The following CCDC181 variants were observed in gnomAD, a reference collection of about 807,000 sequenced individuals.
The protein encoded by CCDC181 is coiled-coil domain containing 181, also known as coiled-coil domain-containing protein 181.
Under a neutral mutation model 58.7 loss-of-function variants are expected in CCDC181, and 35 were observed. The ratio of observed to expected loss-of-function variants is 0.60; its 90% CI spans 0.46 to 0.79. The LOEUF is 0.79. CCDC181 is among the 30% of genes least tolerant of loss of function. The pLI, the probability that CCDC181 is intolerant of heterozygous loss-of-function variation, is 0.00. For missense variants in CCDC181, 517 were observed against 583.9 expected, an observed-to-expected ratio of 0.89 and a Z score of 1.18; for synonymous variants, 183 against 197.5, an observed-to-expected ratio of 0.93 and a Z score of 0.62.
chr1:169,453,422 C>A (rs951115309), intron 2 of CCDC181, among the ~76,000 whole-genome samples: 1 of 152,048 alleles, frequency 6.6e-6, no homozygotes, highest in Non-Finnish European at 1.5e-5. Context: ...TTTATGTAAG[C>A]TGCTAGATTT....
intron 2 of CCDC181, among the ~76,000 whole-genome samples, chr1:169,436,935 TAGG>T (rs1657069602): frequency 6.6e-6 from 1 of 151,552 alleles, no homozygotes; most frequent in Admixed American, 6.6e-5. Context: ...AGGAATTAAT[TAGG>T]AGGAGAGTGA....
At chr1:169,442,224 T>C (rs2101748978) in intron 2 of CCDC181, among the ~76,000 whole-genome samples, 1 of 152,218 alleles carries the variant, frequency 6.6e-6, no homozygotes. Context: ...TCATGAAATT[T>C]TAAATCACTT....
At chr1:169,405,568 A>C (rs1265575496) in intron 4 of CCDC181, among the ~76,000 whole-genome samples, 4 of 152,238 alleles carry the variant, frequency 2.6e-5, no homozygotes, top group Non-Finnish European at 4.4e-5. Flanking sequence ...AGGATTCCCT[A>C]TTTAATAAAT....
intron 4 of CCDC181, among the ~76,000 whole-genome samples, chr1:169,405,349 G>C (rs1035827407): frequency 2.0e-5 from 3 of 152,134 alleles, no homozygotes; most frequent in Non-Finnish European, 2.9e-5. Flanking sequence ...ACATTGCCAA[G>C]ACAATCCTAA....
intron 2 of CCDC181, among the ~76,000 whole-genome samples, chr1:169,434,873 T>G (rs1657013275): frequency 6.6e-6 from 1 of 152,126 alleles, no homozygotes; most frequent in East Asian, 1.9e-4. Flanking sequence ...TCCACTTATA[T>G]AAAGTGCCCA....
In CCDC181 at chr1:169,414,448, A is replaced by G. The variant is rs1053256727; in HGVS notation, c.1215+4565T>C. On this transcript the variant is annotated intron_variant, in intron 4 of 5. Coordinates refer to ENST00000367806, the MANE Select transcript of CCDC181 (RefSeq NM_001300969.2). ...AATAAGCATGCAGAAGATCTTAACA[A>G]CACTATCAACCAACTAGACTATATT... is the stretch of plus-strand genomic sequence containing the variant. 9.2e-5 allele frequency among the ~76,000 whole-genome samples: 14 copies of G among 152,332 alleles called. 1 individual carries two copies. In the South Asian group the frequency reaches 2.7e-3, roughly 29 times the overall value.
At chr1:169,451,017 C>G (rs1319789383) in intron 2 of CCDC181, 1 of 152,110 alleles carries the variant, frequency 6.6e-6, no homozygotes, top group African/African-American at 2.4e-5. Context: ...CATAAGTATT[C>G]CTAATCCAAA....
At position 169,410,547 on chromosome 1, in the gene CCDC181, A is replaced by C. The variant is rs532019024; in HGVS notation, c.1215+8466T>G. ...CAGCTCTGGACCAAGCGGACCTAATAGACATCTATAGAACTCTCCACCTTA... is the reference window on the plus strand; with the variant it reads ...CAGCTCTGGACCAAGCGGACCTAATCGACATCTATAGAACTCTCCACCTTA... On this transcript the variant is annotated intron_variant, in intron 4 of 5. Transcript: ENST00000367806. 2.0e-5 allele frequency among the ~76,000 whole-genome samples: 3 copies of C among 152,354 alleles called. No individual in the cohort carries two copies. In the South Asian group the frequency reaches 6.2e-4, roughly 32 times the overall value.
At chr1:169,454,631 G>A (rs1657636191) in intron 2 of CCDC181, 1 of 151,924 alleles carries the variant, frequency 6.6e-6, no homozygotes, top group South Asian at 2.1e-4. Context: ...AAATTCACAG[G>A]ACGTTCACAC....
In CCDC181 at chr1:169,421,889, T is replaced by G. The variant is rs765535455; in HGVS notation, c.542A>C (p.Asn181Thr). ...TAATTGTGACAGTTTCCCAAACATA[T>G]TCCTTTCGTTTTCAAAATAATTTTT... ...TFKNYFENER[N>T]MFGKLSQLCI... The change falls in exon 3 of 6, where the codon AAT becomes ACT. Residue 181 changes from asparagine to threonine, a missense_variant. Transcript: ENST00000367806. The G allele has an allele frequency of 1.2e-6, 2 of 1,613,736 alleles. No homozygotes were observed. The highest frequency in any genetic ancestry group is 1.7e-6 in the Non-Finnish European group (2 of 1,179,974).
intron 1 of CCDC181, among the ~76,000 whole-genome samples, chr1:169,426,536 G>C (rs774811712): frequency 3.3e-5 from 5 of 152,190 alleles, no homozygotes; most frequent in African/African-American, 9.7e-5. Flanking sequence ...TAGGTGAACT[G>C]CCGATCTTTC....
At chr1:169,401,370 C>T (rs1341475975) in intron 4 of CCDC181, among the ~76,000 whole-genome samples, 1 of 152,206 alleles carries the variant, frequency 6.6e-6, no homozygotes, top group Non-Finnish European at 1.5e-5. Context: ...TCCCTGACGC[C>T]CAAGTAGGCT....
chr1:169,404,733 C>T (rs557795533), intron 4 of CCDC181, among the ~76,000 whole-genome samples: 1 of 152,302 alleles, frequency 6.6e-6, no homozygotes, highest in South Asian at 2.1e-4. Context: ...GGAAGCATTC[C>T]CTTTGAAAAC....
chr1:169,441,342 A>G (rs542918681), intron 2 of CCDC181, among the ~76,000 whole-genome samples: 1 of 152,278 alleles, frequency 6.6e-6, no homozygotes, highest in African/African-American at 2.4e-5. Flanking sequence ...CAGGGAAGAG[A>G]GAGGAATAAA....
chr1:169,397,029 CAT>C (rs1015713190), intron 5 of CCDC181, among the ~76,000 whole-genome samples: 5 of 149,450 alleles, frequency 3.3e-5, no homozygotes, highest in African/African-American at 7.4e-5. Flanking sequence ...AATTGGTATG[CAT>C]ATATATATAT....
intron 2 of CCDC181, among the ~76,000 whole-genome samples, chr1:169,440,931 TA>T (rs72040890): frequency 0.22 from 16,594 of 77,026 alleles, 3,673 homozygotes; most frequent in East Asian, 0.84. Context: ...CAAGACTGTC[TA>T]AAAAAAAAAA....
Position 169,422,175 on chromosome 1 carries a change from C to T in CCDC181, c.256G>A (p.Val86Ile), listed in dbSNP as rs1275147504. 2 of 1,613,548 alleles carry T rather than the reference C, an allele frequency of 1.2e-6. No homozygotes were observed. The highest frequency in any genetic ancestry group is 2.7e-5 in the African/African-American group (2 of 74,896). ...GGATCCAAAGGTTGAATACCTGGTA[C>T]AGAAATGATGTCATTTCTTCTTGGT... Reference protein sequence around the residue: ...VSPRRNDIISVPGIQPLDPIS... With the variant: ...VSPRRNDIISIPGIQPLDPIS... Residue 86 changes from valine (V) to isoleucine (I), a missense_variant, in exon 3 of 6, where the codon GTA (valine) becomes ATA (isoleucine). Transcript: ENST00000367806.
chr1:169,430,900 G>A (rs1656902731), upstream of CCDC181, among the ~76,000 whole-genome samples: 2 of 152,254 alleles, frequency 1.3e-5, no homozygotes, highest in South Asian at 4.1e-4. Flanking sequence ...AGTCTGATTG[G>A]TTGTGGAAAG....
At chr1:169,430,815 A>G (rs540299272), upstream of CCDC181, among the ~76,000 whole-genome samples, 8 of 152,204 alleles carry the variant, frequency 5.3e-5, no homozygotes, top group Non-Finnish European at 4.4e-5. Context: ...CTTGGGTCCA[A>G]ATACCCACTA....
Sources: allele counts gnomAD v4.1 joint callset (sites outside exome capture counted in the v4.1 genomes callset), GRCh38; gene constraint gnomAD v4.1.1; transcripts MANE v1.5; gene names NCBI Gene and HGNC (gene_info 2026-07-23, HGNC 2026-07-21).